The following RYK variants were observed in gnomAD, a reference collection of about 807,000 sequenced individuals.
RYK encodes inactive tyrosine-protein kinase RYK.
A neutral mutation model predicts 70.2 loss-of-function variants in RYK; 21 were observed. The observed-to-expected ratio is 0.30, with a 90% CI of 0.21 to 0.43. The LOEUF (loss-of-function observed/expected upper bound fraction) is 0.43, where lower values mean the gene tolerates loss of function less well. Ranked by LOEUF, RYK falls within the 20% of genes least tolerant of loss-of-function variation. RYK has a pLI of 1.00. For missense variants in RYK, 604 were observed against 753.3 expected (o/e 0.80, Z 2.32); for synonymous variants, 267 against 278.0 (o/e 0.96, Z 0.39).
intron 1 of RYK, among the ~76,000 whole-genome samples, chr3:134,237,741 T>A (rs1407001169): frequency 6.6e-6 from 1 of 152,186 alleles, no homozygotes; most frequent in African/African-American, 2.4e-5. Context: ...TTAATGTCCC[T>A]CTCCTCAGCC....
intron 1 of RYK, among the ~76,000 whole-genome samples, chr3:134,224,991 G>A (rs2014860280): frequency 6.6e-6 from 1 of 151,900 alleles, no homozygotes; most frequent in Non-Finnish European, 1.5e-5. Flanking sequence ...TTATTATACT[G>A]GAACAGCTTG....
chr3:134,216,254 C>A (rs1245973607), intron 2 of RYK, among the ~76,000 whole-genome samples: 1 of 152,262 alleles, frequency 6.6e-6, no homozygotes, highest in Middle Eastern at 3.4e-3. Flanking sequence ...CACTTGTCTA[C>A]AGCCAAATAG....
In RYK at chr3:134,250,694, C is replaced by A; in HGVS notation, c.-40G>T. On this transcript the variant is annotated 5_prime_UTR_variant, in exon 1 of 15. Coordinates refer to ENST00000623711, the MANE Select transcript of RYK (RefSeq NM_002958.4). ...CCGCCGAAGAGGAGCGTCGGCCGCCCGCCGCACCGCCGCCCACCCCCGGCC... is the reference window on the plus strand; with the variant it reads ...CCGCCGAAGAGGAGCGTCGGCCGCCAGCCGCACCGCCGCCCACCCCCGGCC... The A allele has an allele frequency of 1.1e-6, 1 of 943,534 alleles. No homozygotes were observed. The highest frequency in any genetic ancestry group is 1.3e-6 in the Non-Finnish European group (1 of 793,490). The allele number at this position is 943,534 out of a possible 1,614,324, so 58.4% of individuals were successfully genotyped here. A position where few individuals can be genotyped will look rare whatever the true frequency, so the allele number is the denominator to read the frequency against.
chr3:134,195,044 C>T, intron 7 of RYK, 38 bp downstream of exon 7: 1 of 1,428,014 alleles, frequency 7.0e-7, no homozygotes, highest in Non-Finnish European at 9.9e-7. Context: ...GCATAGACAA[C>T]TTGAGTAAAC....
intron 1 of RYK, among the ~76,000 whole-genome samples, chr3:134,231,182 C>A (rs2015048970): frequency 6.7e-6 from 1 of 149,164 alleles, no homozygotes; most frequent in South Asian, 2.2e-4. Flanking sequence ...CTGTAAGCAG[C>A]CAGACAAGAC....
rs1005812932 is a variant in RYK at position 134,250,610 on chromosome 3, G to A, written c.45C>T (p.Leu15=). The change falls in exon 1 of 15, where the codon CTC becomes CTT. Residue 15 remains leucine (L), a synonymous_variant. Coordinates refer to ENST00000623711, the MANE Select transcript of RYK (RefSeq NM_002958.4). ...ARLGRPGRSC[L]PGARGLRAPP... is the part of the protein sequence containing the mutation. ...GGGCCCTCAGGCCGCGGGCCCCCGG[G>A]AGGCAACTCCGGCCCGGCCGCCCCA... 19 of 1,038,756 alleles carry A rather than the reference G, an allele frequency of 1.8e-5. No homozygotes were observed. Among genetic ancestry groups the A allele is most frequent in the Non-Finnish European group, 2.0e-5 (17 of 863,246 alleles). 64.3% of individuals were successfully genotyped at this position (1,038,756 alleles called of 1,614,324 possible). A position where few individuals can be genotyped will look rare whatever the true frequency, so the allele number is the denominator to read the frequency against.
intron 2 of RYK, among the ~76,000 whole-genome samples, chr3:134,219,483 C>T (rs780885734): frequency 4.6e-5 from 7 of 152,162 alleles, no homozygotes; most frequent in Non-Finnish European, 1.0e-4. Context: ...CCTAAGTGTG[C>T]CCAGAAATAT....
At chr3:134,216,800 A>AAAAAAGC in intron 2 of RYK, among the ~76,000 whole-genome samples, 1 of 115,982 alleles carries the variant, frequency 8.6e-6, no homozygotes, top group Non-Finnish European at 1.9e-5. Flanking sequence ...CTCAAAAAAA[A>AAAAAAGC]AAAAAAAAAA....
At chr3:134,182,345 CATTAA>C (rs2108157163) in intron 10 of RYK, among the ~76,000 whole-genome samples, 1 of 152,124 alleles carries the variant, frequency 6.6e-6, no homozygotes, top group South Asian at 2.1e-4. Context: ...TACATTGTTT[CATTAA>C]ATTAAGAAGC....
At chr3:134,193,240 G>C (rs1363970064) in intron 7 of RYK, among the ~76,000 whole-genome samples, 1 of 151,090 alleles carries the variant, frequency 6.6e-6, no homozygotes, top group African/African-American at 2.4e-5. Flanking sequence ...CTGGAGTGCA[G>C]TGGCGTGATC....
At chr3:134,176,592 T>C (rs1241544558) in intron 11 of RYK, among the ~76,000 whole-genome samples, 1 of 151,802 alleles carries the variant, frequency 6.6e-6, no homozygotes, top group Non-Finnish European at 1.5e-5. Flanking sequence ...TGATTTTTTT[T>C]TAAATTAGCC....
chr3:134,172,198 A>C (rs891747256), intron 13 of RYK, among the ~76,000 whole-genome samples: 1 of 152,228 alleles, frequency 6.6e-6, no homozygotes, highest in Non-Finnish European at 1.5e-5. Context: ...AGACGAGTGA[A>C]TCCATCTTTT....
chr3:134,182,434 T>C (rs1038624517), intron 10 of RYK, among the ~76,000 whole-genome samples: 1 of 152,142 alleles, frequency 6.6e-6, no homozygotes, highest in Non-Finnish European at 1.5e-5. Flanking sequence ...TGAAAATACA[T>C]GCTGGACATG....
At chr3:134,221,171 C>T (rs1401939555) in intron 2 of RYK, among the ~76,000 whole-genome samples, 1 of 145,390 alleles carries the variant, frequency 6.9e-6, no homozygotes, top group Non-Finnish European at 1.5e-5. Flanking sequence ...GAGTATAGAA[C>T]TACAAAGTCT....
In RYK at chr3:134,211,554, G is replaced by A. The variant is rs2014392825; in HGVS notation, c.408C>T (p.Pro136=). 1 of 1,613,474 alleles carries A rather than the reference G, an allele frequency of 6.2e-7. No individual in the cohort carries two copies. The highest frequency in any genetic ancestry group is 1.7e-5 in the Admixed American group (1 of 59,972). ...CCCCCTGAACAGAAATGTTGACCTG[G>A]GGCATATCCATTGCCAAAACATTGT... is the stretch of plus-strand genomic sequence containing the variant. ...QVDNVLAMDM[P]QVNISVQGEV... The change falls in exon 3 of 15, where the codon CCC becomes CCT. Residue 136 remains proline, a synonymous_variant. Transcript: ENST00000623711.
chr3:134,210,128 G>A (rs946206122), intron 3 of RYK, among the ~76,000 whole-genome samples: 3 of 152,120 alleles, frequency 2.0e-5, no homozygotes, highest in Non-Finnish European at 4.4e-5. Context: ...ACACCACTTT[G>A]TCTCATAAGT....
At chr3:134,235,439 T>C (rs1423409881) in intron 1 of RYK, among the ~76,000 whole-genome samples, 1 of 152,138 alleles carries the variant, frequency 6.6e-6, no homozygotes, top group East Asian at 1.9e-4. Context: ...GAGTATATTT[T>C]ACCCTAATAA....
At chr3:134,191,232 A>T (rs1467262995) in intron 8 of RYK, among the ~76,000 whole-genome samples, 1 of 152,208 alleles carries the variant, frequency 6.6e-6, no homozygotes, top group Non-Finnish European at 1.5e-5. Context: ...TCCAATTCAA[A>T]AAGGAAAGCA....
rs1284777873 is a variant in RYK, at chr3:134,250,569, AGCG to A, written c.83_85del (p.Pro28del). ...CGGCAACAGCGCAAGCAGAAGCAGC[AGCG>A]GCGGCGGCGGCGGGGCCCTCAGGCC... On this transcript the variant is annotated inframe_deletion, in exon 1 of 15. Transcript: ENST00000623711. 689 of 1,074,086 alleles carry A rather than the reference AGCG, an allele frequency of 6.4e-4. No individual in the cohort carries two copies. The highest frequency in any genetic ancestry group is 7.2e-4 in the Non-Finnish European group (618 of 863,280). 66.5% of individuals were successfully genotyped at this position (1,074,086 alleles called of 1,614,324 possible). A position where few individuals can be genotyped will look rare whatever the true frequency, so the allele number is the denominator to read the frequency against.
Sources: allele counts gnomAD v4.1 joint callset (sites outside exome capture counted in the v4.1 genomes callset), GRCh38; gene constraint gnomAD v4.1.1; transcripts MANE v1.5; gene names NCBI Gene and HGNC (gene_info 2026-07-23, HGNC 2026-07-21).